MPPED2: variants seen among roughly 807,000 people sequenced by gnomAD.
MPPED2 encodes the protein metallophosphoesterase MPPED2.
Under a neutral mutation model 33.0 loss-of-function variants are expected in MPPED2, and 5 were observed. The ratio of observed to expected loss-of-function variants is 0.15; its 90% CI spans 0.08 to 0.32. MPPED2 has a LOEUF of 0.32. Among genes scored for constraint, MPPED2 ranks in the 10% least tolerant of loss-of-function variants. The pLI is 1.00. For synonymous variants in MPPED2, 136 were observed against 141.9 expected (o/e 0.96, Z 0.29); for missense variants, 275 against 372.1 (o/e 0.74, Z 2.15).
intron 4 of MPPED2, among the ~76,000 whole-genome samples, chr11:30,424,965 C>A (rs899156774): frequency 3.9e-5 from 6 of 152,190 alleles, no homozygotes; most frequent in African/African-American, 9.6e-5. Flanking sequence ...AACCACCAGC[C>A]CAGCTGCCTC....
chr11:30,528,686 T>C (rs907911732), intron 3 of MPPED2, among the ~76,000 whole-genome samples: 1 of 152,182 alleles, frequency 6.6e-6, no homozygotes, highest in African/African-American at 2.4e-5. Flanking sequence ...CTCGAACTCC[T>C]GGGCTCAAGT....
chr11:30,569,325 CT>C (rs1212085780), intron 2 of MPPED2, among the ~76,000 whole-genome samples: 1 of 152,126 alleles, frequency 6.6e-6, no homozygotes, highest in African/African-American at 2.4e-5. Context: ...ATACCCAAGC[CT>C]TTACATGTAT....
rs1247556311 is a variant in MPPED2, at chr11:30,507,913, G to A, written c.311-12392C>T. ...AAGGATTTCTGGAAATTCCATCATG[G>A]CCCTTGGTACCCAAGGTTCCAAGAA... On this transcript the variant is annotated intron_variant, in intron 3 of 6. Coordinates refer to ENST00000358117, the MANE Select transcript of MPPED2 (RefSeq NM_001584.3). Among the ~76,000 whole-genome samples the A allele has an allele frequency of 2.6e-5, 4 of 152,114 alleles. 1 individual carries two copies. The highest frequency in any genetic ancestry group is 5.9e-5 in the Non-Finnish European group (4 of 68,000).
At chr11:30,556,949 G>A (rs1390191314) in intron 2 of MPPED2, among the ~76,000 whole-genome samples, 4 of 151,720 alleles carry the variant, frequency 2.6e-5, no homozygotes, top group Non-Finnish European at 4.4e-5. Flanking sequence ...CCAAGTTAGG[G>A]CAATAAGATG....
chr11:30,476,292 T>G (rs562806186), intron 4 of MPPED2, among the ~76,000 whole-genome samples: 1 of 152,148 alleles, frequency 6.6e-6, no homozygotes, highest in East Asian at 1.9e-4. Flanking sequence ...CAGTGGTTTA[T>G]GTTGTTTATG....
At chr11:30,399,566 G>A (rs1947882860) in intron 6 of MPPED2, among the ~76,000 whole-genome samples, 1 of 152,112 alleles carries the variant, frequency 6.6e-6, no homozygotes, top group Admixed American at 6.5e-5. Flanking sequence ...TTTATCTTCA[G>A]AATTATTTTA....
At chr11:30,574,138 C>T (rs1956821202) in intron 2 of MPPED2, among the ~76,000 whole-genome samples, 1 of 152,206 alleles carries the variant, frequency 6.6e-6, no homozygotes, top group Admixed American at 6.5e-5. Flanking sequence ...TAGGCCTTCA[C>T]ATTTACTCAC....
intron 5 of MPPED2, among the ~76,000 whole-genome samples, chr11:30,415,092 T>C (rs1948284404): frequency 6.6e-6 from 1 of 152,102 alleles, no homozygotes; most frequent in African/African-American, 2.4e-5. Flanking sequence ...AGAAGGCAGG[T>C]AGGATGAAAG....
rs753305369 is a variant in MPPED2 at position 30,536,144 on chromosome 11, G to C, written c.160C>G (p.Pro54Ala). ...VDPIPYDTPK[P>A]AGHTRFVCIS... The stretch of plus-strand genomic sequence containing the variant: ...CAGACAAACCGCGTGTGGCCCGCTG[G>C]TTTTGGAGTGTCATATGGGATGGGG... The change falls in exon 3 of 7, where the codon CCA (proline) becomes GCA (alanine). Residue 54 changes from proline (P) to alanine (A), a missense_variant. Physicochemically the swap from Pro to Ala is conservative, Grantham distance 27. Coordinates refer to ENST00000358117, the MANE Select transcript of MPPED2 (RefSeq NM_001584.3). 1 of 1,610,752 alleles carries C rather than the reference G, an allele frequency of 6.2e-7. No homozygotes were observed. Among genetic ancestry groups the C allele is most frequent in the South Asian group, 1.1e-5 (1 of 90,570 alleles).
chr11:30,541,543 C>T (rs150717435), intron 2 of MPPED2, among the ~76,000 whole-genome samples: 2 of 152,274 alleles, frequency 1.3e-5, no homozygotes, highest in Non-Finnish European at 2.9e-5. Context: ...GTGCTTTTAG[C>T]AACCCCCATT....
chr11:30,388,050 C>T (rs12420559), exon 7 of MPPED2: 2,095 of 152,368 alleles, frequency 0.014, 88 homozygotes, highest in Admixed American at 0.082. Context: ...CTACCACTGC[C>T]GCCTTCAAGG....
At chr11:30,432,913 T>C (rs952035390) in intron 4 of MPPED2, among the ~76,000 whole-genome samples, 5 of 152,154 alleles carry the variant, frequency 3.3e-5, no homozygotes, top group Admixed American at 3.3e-4. Context: ...CCAAGCTAAC[T>C]GATATGATAA....
intron 4 of MPPED2, among the ~76,000 whole-genome samples, chr11:30,431,372 C>T (rs538331602): frequency 1.1e-4 from 17 of 152,338 alleles, no homozygotes; most frequent in African/African-American, 4.1e-4. Flanking sequence ...AAGGTGTGAA[C>T]TTGAGTAAGC....
chr11:30,481,011 G>A, intron 4 of MPPED2, among the ~76,000 whole-genome samples: 1 of 152,032 alleles, frequency 6.6e-6, no homozygotes, highest in East Asian at 1.9e-4. Context: ...AAGGTCATTT[G>A]GCACAAGGGA....
intron 2 of MPPED2, among the ~76,000 whole-genome samples, chr11:30,542,705 T>C (rs546010059): frequency 6.6e-6 from 1 of 152,086 alleles, no homozygotes; most frequent in Non-Finnish European, 1.5e-5. Context: ...TCCTCTAAAG[T>C]GTCTTGCTTA....
At position 30,421,518 on chromosome 11, in the gene MPPED2, C is replaced by T. The variant is rs946041867; in HGVS notation, c.537-3885G>A. On this transcript the variant is annotated intron_variant, in intron 4 of 6. Transcript: ENST00000358117. ...TATCATGGCCTTGATGTGCTTTTAC[C>T]TAGAGCTTTTACGTAAGTTATTGGA... Among the ~76,000 whole-genome samples, 3 of 151,104 alleles carry T rather than the reference C, an allele frequency of 2.0e-5. No homozygotes were observed. The East Asian group carries it at 5.8e-4, about 29-fold the overall frequency.
At chr11:30,396,022 T>C (rs151177623) in intron 6 of MPPED2, among the ~76,000 whole-genome samples, 168 of 152,286 alleles carry the variant, frequency 1.1e-3, no homozygotes, top group African/African-American at 3.8e-3. Flanking sequence ...AGATCGTATT[T>C]ATCATACTGA....
intron 6 of MPPED2, chr11:30,389,013 A>G (rs1947737097): frequency 2.7e-6 from 4 of 1,503,476 alleles, no homozygotes; most frequent in Non-Finnish European, 3.5e-6. Context: ...AACATGACCT[A>G]AATTATTCAG....
chr11:30,538,065 C>T (rs1954908959), intron 2 of MPPED2, among the ~76,000 whole-genome samples: 1 of 151,938 alleles, frequency 6.6e-6, no homozygotes, highest in Non-Finnish European at 1.5e-5. Flanking sequence ...AAGCAATATC[C>T]CTATACCAAT....
Sources: allele counts gnomAD v4.1 joint callset (sites outside exome capture counted in the v4.1 genomes callset), GRCh38; gene constraint gnomAD v4.1.1; transcripts MANE v1.5; gene names NCBI Gene and HGNC (gene_info 2026-07-23, HGNC 2026-07-21).